Variants in UPF2 observed in about 807,000 individuals in gnomAD.
UPF2 encodes the protein regulator of nonsense transcripts 2.
A neutral mutation model predicts 141.4 loss-of-function variants in UPF2; 17 were observed. That is an observed-to-expected ratio of 0.12 (90% CI 0.08 to 0.18). UPF2 has a LOEUF of 0.18. Ranked by LOEUF, UPF2 falls within the 10% of genes least tolerant of loss-of-function variation. The probability of loss-of-function intolerance (pLI) is 1.00; values close to 1 mark genes in which losing one functional copy is unlikely to be tolerated. For synonymous variants in UPF2, 540 were observed against 498.0 expected (o/e 1.08, Z -1.12); for missense variants, 1,152 against 1,515.9 (o/e 0.76, Z 3.99).
chr10:11,942,892 T>A, intron 17 of UPF2, 129 bp from the exon 18 acceptor site: 1 of 902,544 alleles, frequency 1.1e-6, no homozygotes, highest in Non-Finnish European at 1.7e-6. Flanking sequence ...TATCTAACAT[T>A]ATTCAATGTT....
chr10:12,007,302 G>C (rs1834050348), intron 4 of UPF2, among the ~76,000 whole-genome samples: 2 of 152,140 alleles, frequency 1.3e-5, no homozygotes. Context: ...CTATCAAGCT[G>C]TTAAGAGTGG....
At chr10:12,017,916 C>A (rs1472893503) in intron 3 of UPF2, among the ~76,000 whole-genome samples, 2 of 152,028 alleles carry the variant, frequency 1.3e-5, no homozygotes, top group Non-Finnish European at 2.9e-5. Context: ...CAGATTTTTT[C>A]TTTTGTTTTG....
At chr10:11,996,417 G>A (rs1833865662) in intron 8 of UPF2, among the ~76,000 whole-genome samples, 1 of 151,280 alleles carries the variant, frequency 6.6e-6, no homozygotes, top group Non-Finnish European at 1.5e-5. Flanking sequence ...GCATGATCTT[G>A]GCTCACTGCA....
chr10:12,035,285 T>C lies in UPF2; in HGVS notation c.139A>G (p.Lys47Glu), dbSNP rs1329983763. 6.2e-7 allele frequency: 1 copy of C among 1,614,130 alleles called. No homozygotes were observed. The highest frequency in any genetic ancestry group is 1.1e-5 in the South Asian group (1 of 91,078). Reference sequence around the variant, plus strand: ...TCTTCAGGGGCCTTGCTGACCTCCTTCTTGGCAGTGAGCTTGATATCGTCT... The same window carrying C: ...TCTTCAGGGGCCTTGCTGACCTCCTCCTTGGCAGTGAGCTTGATATCGTCT... ...PKDDIKLTAK[K>E]EVSKAPEDKK... Residue 47 changes from lysine to glutamate, a missense_variant, in exon 2 of 22, where the codon AAG becomes GAG. Lys to Glu is a moderately conservative substitution (Grantham distance 56, BLOSUM62 1). This residue lies in a region of UPF2 where 145 missense variants were observed against 136.5 expected (regional missense o/e 1.06). Coordinates refer to ENST00000357604, the MANE Select transcript of UPF2 (RefSeq NM_015542.4).
At chr10:11,985,110 A>T (rs1036320180) in intron 8 of UPF2, among the ~76,000 whole-genome samples, 3 of 152,194 alleles carry the variant, frequency 2.0e-5, no homozygotes, top group Non-Finnish European at 4.4e-5. Flanking sequence ...TTTAATAGGG[A>T]TTTTTAAAAT....
chr10:11,967,248 T>C, intron 10 of UPF2, 93 bp downstream of exon 10: 1 of 745,730 alleles, frequency 1.3e-6, no homozygotes, highest in East Asian at 3.4e-5. Flanking sequence ...TCTTTTGGAT[T>C]AATCAAATAT....
At chr10:11,989,627 T>C (rs1263005061) in intron 8 of UPF2, among the ~76,000 whole-genome samples, 1 of 152,244 alleles carries the variant, frequency 6.6e-6, no homozygotes, top group African/African-American at 2.4e-5. Flanking sequence ...AACAAATCCC[T>C]GTGAGTATTT....
chr10:11,946,016 T>C (rs1832995950), intron 16 of UPF2, among the ~76,000 whole-genome samples: 1 of 152,114 alleles, frequency 6.6e-6, no homozygotes, highest in Admixed American at 6.6e-5. Flanking sequence ...TAAAGAAACA[T>C]ATTCCAGTTC....
intron 8 of UPF2, among the ~76,000 whole-genome samples, chr10:11,989,709 C>T (rs2131247106): frequency 6.6e-6 from 1 of 152,298 alleles, no homozygotes; most frequent in South Asian, 2.1e-4. Context: ...CTCTTGTTGT[C>T]CTAGACAATG....
In UPF2 at chr10:11,939,122, G is replaced by T. The variant is rs143379473; in HGVS notation, c.3379-2410C>A. 4.8e-3 allele frequency among the ~76,000 whole-genome samples: 731 copies of T among 151,902 alleles called. 3 individuals are homozygous for T. The highest frequency in any genetic ancestry group is 0.016 in the African/African-American group (683 of 41,398). ...CCTGACCTCGTGATCCTCCCACCTCGGCCTCCCAAAGTGATGGGATTACAG... is the reference window on the plus strand; with the variant it reads ...CCTGACCTCGTGATCCTCCCACCTCTGCCTCCCAAAGTGATGGGATTACAG... On this transcript the variant is annotated intron_variant, in intron 18 of 21. Transcript: ENST00000357604. The surrounding 1 kb of genome is among the most constrained non-coding windows in gnomAD (Gnocchi z 4.8).
At chr10:12,022,852 CCT>C (rs2131298466) in intron 3 of UPF2, among the ~76,000 whole-genome samples, 1 of 152,102 alleles carries the variant, frequency 6.6e-6, no homozygotes, top group East Asian at 1.9e-4. Flanking sequence ...ATAAAAGAAA[CCT>C]CTGACTTTTT....
At chr10:12,017,872 C>T (rs527290737) in intron 3 of UPF2, among the ~76,000 whole-genome samples, 1 of 152,256 alleles carries the variant, frequency 6.6e-6, no homozygotes, top group South Asian at 2.1e-4. Flanking sequence ...AGGTATTTCT[C>T]CTAATGTTAT....
intron 8 of UPF2, among the ~76,000 whole-genome samples, chr10:11,996,221 T>C (rs937625448): frequency 1.3e-5 from 2 of 152,170 alleles, no homozygotes; most frequent in Admixed American, 1.3e-4. Flanking sequence ...TTCCTGATTA[T>C]CAGGCTGATT....
intron 3 of UPF2, among the ~76,000 whole-genome samples, chr10:12,024,957 A>AAAC (rs71380801): frequency 4.1e-5 from 6 of 146,280 alleles, no homozygotes; most frequent in South Asian, 4.3e-4. Flanking sequence ...AAAAAAAAAA[A>AAAC]CACAGCTACT....
At position 11,998,893 on chromosome 10, in the gene UPF2, TG is replaced by T. The variant is rs1361405099; in HGVS notation, c.1758+1012del. On this transcript the variant is annotated intron_variant, in intron 7 of 21. Coordinates refer to ENST00000357604, the MANE Select transcript of UPF2 (RefSeq NM_015542.4). This position sits in a 1 kb window ranked among gnomAD's most constrained non-coding sequence, Gnocchi z 4.5. ...TAAAAAGATTAGCTGGGCGTGGTGG[TG>T]CACGCCTGTAGTCCCAGCTACTCAG... is the stretch of plus-strand genomic sequence containing the variant. Among the ~76,000 whole-genome samples the T allele has an allele frequency of 3.3e-5, 5 of 150,494 alleles. No individual in the cohort carries two copies. The highest frequency in any genetic ancestry group is 3.2e-3 in the Middle Eastern group (1 of 308).
chr10:11,956,606 G>T lies in UPF2; in HGVS notation c.2371-83C>A. The T allele has an allele frequency of 7.7e-7, 1 of 1,303,450 alleles. No homozygotes were observed. Among genetic ancestry groups the T allele is most frequent in the Non-Finnish European group, 1.1e-6 (1 of 933,474 alleles). The allele number at this position is 1,303,450 out of a possible 1,614,324, so 80.7% of individuals were successfully genotyped here. A position where few individuals can be genotyped will look rare whatever the true frequency, so the allele number is the denominator to read the frequency against. ...ATAATACAGAAATTTTGCTATGATT[G>T]CGCAGAGAACTTTTGAAATAGAAAA... On this transcript the variant is annotated intron_variant, in intron 12 of 21. Coordinates refer to ENST00000357604, the MANE Select transcript of UPF2 (RefSeq NM_015542.4). The surrounding 1 kb of genome is among the most constrained non-coding windows in gnomAD (Gnocchi z 4.2).
At chr10:11,926,556 T>G (rs773088110) in intron 21 of UPF2, among the ~76,000 whole-genome samples, 1 of 152,232 alleles carries the variant, frequency 6.6e-6, no homozygotes, top group South Asian at 2.1e-4. Context: ...GCCAGCAGAA[T>G]CACAGATGCC....
At chr10:11,932,057 G>A (rs1832788313) in intron 19 of UPF2, among the ~76,000 whole-genome samples, 4 of 152,076 alleles carry the variant, frequency 2.6e-5, no homozygotes, top group Admixed American at 6.6e-5. Context: ...GCTGAGGCAG[G>A]AGAACTGCTT....
In UPF2 at chr10:11,951,912, A is replaced by G; in HGVS notation, c.3034+154T>C. On this transcript the variant is annotated intron_variant, in intron 15 of 21. Coordinates refer to ENST00000357604, the MANE Select transcript of UPF2 (RefSeq NM_015542.4). ...GAAATTACTTAGTGAAATCAAGCACACCACACAGGCATTACCTAACACTAC... is the reference window on the plus strand; with the variant it reads ...GAAATTACTTAGTGAAATCAAGCACGCCACACAGGCATTACCTAACACTAC... 4.4e-6 allele frequency: 3 copies of G among 689,338 alleles called. No individual in the cohort carries two copies. The South Asian group carries it at 6.2e-5, about 14-fold the overall frequency. The allele number at this position is 689,338 out of a possible 1,614,324, so 42.7% of individuals were successfully genotyped here. A position where few individuals can be genotyped will look rare whatever the true frequency, so the allele number is the denominator to read the frequency against.
Sources: allele counts gnomAD v4.1 joint callset (sites outside exome capture counted in the v4.1 genomes callset), GRCh38; gene constraint gnomAD v4.1.1; regional missense constraint gnomAD v4.1.1; non-coding constraint Gnocchi (gnomAD v3.1); transcripts MANE v1.5; gene names NCBI Gene and HGNC (gene_info 2026-07-23, HGNC 2026-07-21).